Variants in LRBA observed in about 807,000 individuals in gnomAD.
LRBA encodes the protein lipopolysaccharide-responsive and beige-like anchor protein.
A neutral mutation model predicts 330.0 loss-of-function variants in LRBA; 176 were observed. That is an observed-to-expected ratio of 0.53 (90% CI 0.47 to 0.60). The LOEUF (loss-of-function observed/expected upper bound fraction) is 0.60. Among genes scored for constraint, LRBA ranks in the 20% least tolerant of loss-of-function variants. The probability of loss-of-function intolerance (pLI) is 0.00; values close to 1 mark genes in which losing one functional copy is unlikely to be tolerated. For synonymous variants in LRBA, 1,230 were observed against 1,193.0 expected, an observed-to-expected ratio of 1.03 and a Z score of -0.64; for missense variants, 3,259 against 3,444.8, an observed-to-expected ratio of 0.95 and a Z score of 1.35.
rs72738360 is a variant in LRBA at position 150,764,862 on chromosome 4, G to A, written c.5581-3015C>T. ...AGTCTCACTGGAAGACAGTTTGATGGTTCCTAACAAAACTAAGCCTACTCT... is the reference window on the plus strand; with the variant it reads ...AGTCTCACTGGAAGACAGTTTGATGATTCCTAACAAAACTAAGCCTACTCT... On this transcript the variant is annotated intron_variant, in intron 34 of 56. Coordinates refer to ENST00000651943, the MANE Select transcript of LRBA (RefSeq NM_001364905.1). 1.6e-3 allele frequency among the ~76,000 whole-genome samples: 243 copies of A among 152,134 alleles called. 1 individual carries two copies. Among genetic ancestry groups the A allele is most frequent in the Admixed American group, 3.6e-3 (55 of 15,276 alleles).
chr4:150,773,777 A>AT (rs1736899312), intron 34 of LRBA, among the ~76,000 whole-genome samples: 3 of 152,182 alleles, frequency 2.0e-5, no homozygotes, highest in African/African-American at 7.2e-5. Context: ...TGCATTCCAG[A>AT]ACTTGGGAAA....
chr4:150,370,886 CTT>C (rs1005303244), intron 47 of LRBA, among the ~76,000 whole-genome samples: 2 of 152,146 alleles, frequency 1.3e-5, no homozygotes, highest in Non-Finnish European at 2.9e-5. Context: ...TTTTTCTCCT[CTT>C]CTTTGTCTTC....
intron 34 of LRBA, among the ~76,000 whole-genome samples, chr4:150,784,885 T>A (rs1161929827): frequency 6.6e-6 from 1 of 152,230 alleles, no homozygotes; most frequent in Non-Finnish European, 1.5e-5. Context: ...TTAGCCAGAA[T>A]CTGATTCTTT....
At chr4:150,900,888 G>C (rs1275452902) in intron 13 of LRBA, among the ~76,000 whole-genome samples, 1 of 152,002 alleles carries the variant, frequency 6.6e-6, no homozygotes, top group East Asian at 1.9e-4. Context: ...AAAGTAAATA[G>C]TCTAAAAAAA....
At chr4:150,363,231 T>C (rs1487931732) in intron 47 of LRBA, among the ~76,000 whole-genome samples, 5 of 152,214 alleles carry the variant, frequency 3.3e-5, no homozygotes, top group Non-Finnish European at 7.3e-5. Context: ...GTAATGTCCA[T>C]TCCATCATCT....
chr4:150,707,136 A>T (rs1288490610), intron 36 of LRBA, among the ~76,000 whole-genome samples: 1 of 151,676 alleles, frequency 6.6e-6, no homozygotes, highest in East Asian at 1.9e-4. Context: ...AATTCATCTA[A>T]CAGTGGTTTT....
At chr4:150,872,551 G>A (rs570213009) in intron 18 of LRBA, 112 bp downstream of exon 18, 8 of 641,972 alleles carry the variant, frequency 1.2e-5, no homozygotes, top group East Asian at 3.1e-5. Context: ...AGCAATTTAT[G>A]AATAAAAATA....
At chr4:150,513,649 T>C (rs1052714251) in intron 40 of LRBA, among the ~76,000 whole-genome samples, 2 of 152,184 alleles carry the variant, frequency 1.3e-5, no homozygotes, top group African/African-American at 4.8e-5. Context: ...CTGAGGGCTC[T>C]CCTCCTGGCT....
chr4:150,322,222 C>T (rs528426735), intron 49 of LRBA, among the ~76,000 whole-genome samples: 1 of 152,302 alleles, frequency 6.6e-6, no homozygotes, highest in Middle Eastern at 3.4e-3. Context: ...GAAACACTGT[C>T]TGTTCTAATA....
At chr4:150,819,975 C>T (rs1011047402) in intron 30 of LRBA, among the ~76,000 whole-genome samples, 3 of 152,002 alleles carry the variant, frequency 2.0e-5, no homozygotes, top group African/African-American at 4.8e-5. Context: ...GGTTGCTAAG[C>T]GTGTTGTGTC....
At chr4:150,974,846 CCT>C (rs1739973305) in intron 2 of LRBA, among the ~76,000 whole-genome samples, 1 of 152,110 alleles carries the variant, frequency 6.6e-6, no homozygotes, top group Admixed American at 6.5e-5. Context: ...CAGACTAGCC[CCT>C]GAGTGGCATA....
chr4:150,729,009 A>G (rs1271299229), intron 36 of LRBA, among the ~76,000 whole-genome samples: 24 of 152,214 alleles, frequency 1.6e-4, no homozygotes, highest in Admixed American at 1.6e-3. Flanking sequence ...GTTGCAGTAT[A>G]CAAAAACCAA....
At position 150,901,997 on chromosome 4, in the gene LRBA, G is replaced by C. The variant is rs115960515; in HGVS notation, c.1756-1780C>G. ...ACAGTGGCACATATGCTGTCCCTAAGTAGCTGAAATACAGTTGAAAAGATT... is the reference window on the plus strand; with the variant it reads ...ACAGTGGCACATATGCTGTCCCTAACTAGCTGAAATACAGTTGAAAAGATT... On this transcript the variant is annotated intron_variant, in intron 13 of 56. Transcript: ENST00000651943. Among the ~76,000 whole-genome samples the C allele has an allele frequency of 4.5e-3, 680 of 152,046 alleles. 7 individuals carry two copies. The highest frequency in any genetic ancestry group is 6.8e-3 in the Non-Finnish European group (465 of 67,992).
intron 40 of LRBA, among the ~76,000 whole-genome samples, chr4:150,533,187 GTTTT>G (rs1478320849): frequency 1.3e-5 from 2 of 151,826 alleles, no homozygotes; most frequent in African/African-American, 4.8e-5. Flanking sequence ...TTGTTTGTTT[GTTTT>G]TTAATTTTTT....
rs1367587362 is a variant in LRBA, at chr4:150,415,426, T to C, written c.7194+12A>G. 6.2e-7 allele frequency: 1 copy of C among 1,611,690 alleles called. No individual in the cohort carries two copies. The highest frequency in any genetic ancestry group is 8.5e-7 in the Non-Finnish European group (1 of 1,178,980). ...AGCTCATGACAGACAGAGTAGATGA[T>C]TATTATCTTACCAATCTGTTTATGT... On this transcript the variant is annotated intron_variant, in intron 47 of 56. Transcript: ENST00000651943.
rs571368880 is a variant in LRBA, at chr4:150,609,111, C to G, written c.5922-9980G>C. Reference sequence around the variant, plus strand: ...CTAGCATTCACTTCTCTCCTCTTTCCTAATAACTGAATTACAATTTTGTTC... The same window carrying G: ...CTAGCATTCACTTCTCTCCTCTTTCGTAATAACTGAATTACAATTTTGTTC... On this transcript the variant is annotated intron_variant, in intron 37 of 56. Coordinates refer to ENST00000651943, the MANE Select transcript of LRBA (RefSeq NM_001364905.1). 1.7e-3 allele frequency among the ~76,000 whole-genome samples: 263 copies of G among 152,278 alleles called. 2 individuals are homozygous for G. Among genetic ancestry groups the G allele is most frequent in the African/African-American group, 6.3e-3 (260 of 41,554 alleles).
chr4:150,390,527 C>G (rs1006703784), intron 47 of LRBA, among the ~76,000 whole-genome samples: 4 of 152,150 alleles, frequency 2.6e-5, no homozygotes, highest in Admixed American at 1.3e-4. Flanking sequence ...CAGTCTTACT[C>G]TAGAACCTTT....
chr4:150,548,870 A>G (rs528201769), intron 40 of LRBA, among the ~76,000 whole-genome samples: 2 of 152,282 alleles, frequency 1.3e-5, no homozygotes, highest in South Asian at 2.1e-4. Context: ...AGTTTTTAAA[A>G]TTTCAATTAA....
intron 54 of LRBA, among the ~76,000 whole-genome samples, chr4:150,285,274 G>A (rs1040468485): frequency 2.0e-5 from 3 of 152,208 alleles, no homozygotes; most frequent in Admixed American, 1.3e-4. Context: ...GAGATGGATA[G>A]ACTATTATGA....
Sources: gnomAD v4.1 joint callset for allele counts (sites outside exome capture counted in the v4.1 genomes callset) on GRCh38, gnomAD v4.1.1 for gene constraint, MANE v1.5 for transcripts, NCBI Gene and HGNC (gene_info 2026-07-23, HGNC 2026-07-21) for gene names.